ATRNL1: variants seen among roughly 807,000 people sequenced by gnomAD.
The protein encoded by ATRNL1 is attractin like 1.
ATRNL1 carries 95 observed loss-of-function variants against 182.7 expected under a neutral mutation model. That is an observed-to-expected ratio of 0.52 (90% CI 0.44 to 0.62). The LOEUF is 0.62. Among genes scored for constraint, ATRNL1 ranks in the 20% least tolerant of loss-of-function variants. The pLI, the probability that ATRNL1 is intolerant of heterozygous loss-of-function variation, is 0.00. For synonymous variants in ATRNL1, 576 were observed against 568.3 expected, an observed-to-expected ratio of 1.01 and a Z score of -0.19; for missense variants, 1,471 against 1,679.5, an observed-to-expected ratio of 0.88 and a Z score of 2.17.
chr10:115,154,314 A>C (rs1846391703), intron 5 of ATRNL1, among the ~76,000 whole-genome samples: 1 of 152,056 alleles, frequency 6.6e-6, no homozygotes, highest in South Asian at 2.1e-4. Flanking sequence ...GTGGGGTGTT[A>C]AAGTCTCCCA....
chr10:115,511,597 T>C, intron 24 of ATRNL1, among the ~76,000 whole-genome samples: 1 of 152,000 alleles, frequency 6.6e-6, no homozygotes, highest in South Asian at 2.1e-4. Flanking sequence ...TTATCTTTCA[T>C]AAAATAAGAA....
chr10:115,310,861 A>AT (rs1853982451), intron 17 of ATRNL1, among the ~76,000 whole-genome samples: 1 of 151,344 alleles, frequency 6.6e-6, no homozygotes, highest in African/African-American at 2.4e-5. Flanking sequence ...CTGGCTTTGG[A>AT]TTTGGTTTGT....
rs1359342852 is a variant in ATRNL1 at position 115,696,892 on chromosome 10, AGAGAGAGC to A, written c.3796-30352_3796-30345del. 7.0e-3 allele frequency among the ~76,000 whole-genome samples: 1,055 copies of A among 151,240 alleles called. 8 individuals are homozygous for A. Among genetic ancestry groups the A allele is most frequent in the African/African-American group, 0.024 (965 of 40,920 alleles). On this transcript the variant is annotated intron_variant, in intron 26 of 28. Coordinates refer to ENST00000355044, the MANE Select transcript of ATRNL1 (RefSeq NM_207303.4). ...GAGCGAGAGAGAGAGAGAGAGAGAGAGAGAGAGCGAGCGAGCTAGGGGGGAAATGCCAC... is the reference window on the plus strand; with the variant it reads ...GAGCGAGAGAGAGAGAGAGAGAGAGAGAGCGAGCTAGGGGGGAAATGCCAC...
intron 6 of ATRNL1, among the ~76,000 whole-genome samples, chr10:115,160,463 A>T (rs1846730876): frequency 6.6e-6 from 1 of 151,900 alleles, no homozygotes; most frequent in Non-Finnish European, 1.5e-5. Flanking sequence ...GTAAGAAAAT[A>T]TTAACTTCAA....
intron 20 of ATRNL1, among the ~76,000 whole-genome samples, chr10:115,405,785 G>A (rs1396953557): frequency 4.6e-5 from 7 of 151,216 alleles, no homozygotes; most frequent in African/African-American, 1.7e-4. Flanking sequence ...TTGGTGTGCT[G>A]CACCCAGTAA....
In ATRNL1 at chr10:115,134,548, T is replaced by C. The variant is rs1352459188; in HGVS notation, c.829+5013T>C. ...TGAAATTGAGGCAATAATTAATAGC[T>C]TACCAAGCAAAAAATGTCCAGGACC... On this transcript the variant is annotated intron_variant, in intron 5 of 28. Coordinates refer to ENST00000355044, the MANE Select transcript of ATRNL1 (RefSeq NM_207303.4). Among the ~76,000 whole-genome samples the C allele has an allele frequency of 2.0e-5, 3 of 152,178 alleles. No individual in the cohort carries two copies. The East Asian group carries it at 5.8e-4, about 29-fold the overall frequency.
chr10:115,377,707 A>C (rs1465335093), intron 19 of ATRNL1, among the ~76,000 whole-genome samples: 2 of 152,154 alleles, frequency 1.3e-5, no homozygotes, highest in Non-Finnish European at 2.9e-5. Context: ...ATATGTCTTT[A>C]TAAGTCCTTC....
chr10:115,739,264 A>T (rs1555067029), intron 27 of ATRNL1, among the ~76,000 whole-genome samples: 1 of 152,232 alleles, frequency 6.6e-6, no homozygotes, highest in African/African-American at 2.4e-5. Context: ...TGGTCACATC[A>T]CAGCTGAATC....
At chr10:115,597,568 CTTTTTTTTTTT>C (rs71010036) in intron 26 of ATRNL1, 1 of 229,798 alleles carries the variant, frequency 4.4e-6, no homozygotes, top group South Asian at 2.8e-5. Flanking sequence ...TTTATGGGAG[CTTTTTTTTTTT>C]TTTTTTTTTG....
At chr10:115,416,785 C>T (rs1554960945) in intron 20 of ATRNL1, among the ~76,000 whole-genome samples, 1 of 152,114 alleles carries the variant, frequency 6.6e-6, no homozygotes, top group African/African-American at 2.4e-5. Flanking sequence ...TTTGAATAAA[C>T]CAAATATTGT....
chr10:115,706,285 T>C (rs542630254), intron 26 of ATRNL1, among the ~76,000 whole-genome samples: 1 of 151,986 alleles, frequency 6.6e-6, no homozygotes, highest in East Asian at 1.9e-4. Context: ...GTGGTCACAT[T>C]AGCTTGACTT....
At position 115,636,888 on chromosome 10, in the gene ATRNL1, G is replaced by A. The variant is rs139371528; in HGVS notation, c.3795+87352G>A. Reference sequence around the variant, plus strand: ...TTATTTGCTAATAAAAAGGAATGACGTACAGTCATATGCCACATAACAAAA... The same window carrying A: ...TTATTTGCTAATAAAAAGGAATGACATACAGTCATATGCCACATAACAAAA... On this transcript the variant is annotated intron_variant, in intron 26 of 28. Transcript: ENST00000355044. 9.9e-5 allele frequency among the ~76,000 whole-genome samples: 15 copies of A among 152,200 alleles called. No individual in the cohort carries two copies. In the East Asian group the frequency reaches 2.3e-3, roughly 24 times the overall value.
At chr10:115,404,815 C>CTTTTTTT (rs11408585) in intron 20 of ATRNL1, among the ~76,000 whole-genome samples, 1 of 136,636 alleles carries the variant, frequency 7.3e-6, no homozygotes, top group African/African-American at 2.7e-5. Flanking sequence ...AACCTCCCAG[C>CTTTTTTT]TTTTTTTTTT....
At chr10:115,350,173 T>C (rs188147637) in intron 19 of ATRNL1, among the ~76,000 whole-genome samples, 1 of 151,600 alleles carries the variant, frequency 6.6e-6, no homozygotes, top group Admixed American at 6.6e-5. Context: ...CCATCTCTAC[T>C]AAAAATACAA....
In ATRNL1 at chr10:115,912,416, T is replaced by TTTGTG. The variant is rs1565481394; in HGVS notation, c.4019-32241_4019-32240insTGTGT. Among the ~76,000 whole-genome samples, 308 of 148,186 alleles carry TTTGTG rather than the reference T, an allele frequency of 2.1e-3. 3 individuals are homozygous for TTTGTG. The highest frequency in any genetic ancestry group is 7.0e-3 in the African/African-American group (279 of 40,044). On this transcript the variant is annotated intron_variant, in intron 28 of 28. Transcript: ENST00000355044. Reference sequence around the variant, plus strand: ...GTGAAATACATATATATATATATATTTGTGTGTGTGTGTGTGTGTGTGTGC... The same window carrying TTTGTG: ...GTGAAATACATATATATATATATATTTTGTGTGTGTGTGTGTGTGTGTGTGTGTGC...
intron 18 of ATRNL1, among the ~76,000 whole-genome samples, chr10:115,333,892 A>G (rs553269555): frequency 6.6e-6 from 1 of 152,314 alleles, no homozygotes; most frequent in South Asian, 2.1e-4. Context: ...ATCATGTGTT[A>G]ATATAATTAA....
At chr10:115,684,925 C>T (rs1946169492) in intron 26 of ATRNL1, among the ~76,000 whole-genome samples, 1 of 151,640 alleles carries the variant, frequency 6.6e-6, no homozygotes, top group African/African-American at 2.4e-5. Flanking sequence ...GCTGTCATCA[C>T]AGAATATAGT....
chr10:115,634,991 T>C (rs1250502194), intron 26 of ATRNL1, among the ~76,000 whole-genome samples: 2 of 152,110 alleles, frequency 1.3e-5, no homozygotes, highest in Non-Finnish European at 2.9e-5. Context: ...GAAATTTTAA[T>C]AAATGCTCTC....
intron 24 of ATRNL1, among the ~76,000 whole-genome samples, chr10:115,518,084 T>C (rs1850729849): frequency 6.6e-6 from 1 of 151,956 alleles, no homozygotes; most frequent in South Asian, 2.1e-4. Flanking sequence ...TGTAATTCTT[T>C]ACATAAGAAA....
Sources: gnomAD v4.1 joint callset for allele counts (sites outside exome capture counted in the v4.1 genomes callset) on GRCh38, gnomAD v4.1.1 for gene constraint, MANE v1.5 for transcripts, NCBI Gene and HGNC (gene_info 2026-07-23, HGNC 2026-07-21) for gene names.